Variants in ATL2 observed in about 807,000 individuals in gnomAD.
ATL2 encodes atlastin GTPase 2, also known as atlastin-2.
ATL2 carries 31 observed loss-of-function variants against 73.9 expected under a neutral mutation model. The ratio of observed to expected loss-of-function variants is 0.42; its 90% CI spans 0.32 to 0.57. The LOEUF is 0.57. ATL2 is among the 20% of genes least tolerant of loss of function. ATL2 has a pLI of 0.14. For missense variants in ATL2, 738 were observed against 702.6 expected, an observed-to-expected ratio of 1.05 and a Z score of -0.57; for synonymous variants, 291 against 237.5, an observed-to-expected ratio of 1.23 and a Z score of -2.07.
intron 2 of ATL2, among the ~76,000 whole-genome samples, chr2:38,336,813 T>G (rs532988530): frequency 6.6e-6 from 1 of 152,334 alleles, no homozygotes; most frequent in Admixed American, 6.5e-5. Flanking sequence ...AAATGCTTAG[T>G]AATCAAAATA....
rs1447145862 is a variant in ATL2 at position 38,294,134 on chromosome 2, A to G, written c.*1860T>C. On this transcript the variant is annotated 3_prime_UTR_variant, in exon 13 of 13. Transcript: ENST00000378954. ...TAAGTTAGCAATTTAATACAGATGA[A>G]AACAAATACAATCCATATAAAAACA... 6.6e-6 allele frequency among the ~76,000 whole-genome samples: 1 copy of G among 152,246 alleles called. No individual in the cohort carries two copies. Among genetic ancestry groups the G allele is most frequent in the Non-Finnish European group, 1.5e-5 (1 of 68,028 alleles).
chr2:38,347,929 G>C (rs918978093), intron 1 of ATL2, among the ~76,000 whole-genome samples: 2 of 151,634 alleles, frequency 1.3e-5, no homozygotes, highest in African/African-American at 4.8e-5. Context: ...GCCTCGCCAA[G>C]CTAATTTTTG....
chr2:38,316,417 T>C (rs1668027530), intron 4 of ATL2, among the ~76,000 whole-genome samples: 1 of 152,178 alleles, frequency 6.6e-6, no homozygotes, highest in Non-Finnish European at 1.5e-5. Flanking sequence ...GAGAAAGAGA[T>C]TTATTTAACT....
intron 2 of ATL2, among the ~76,000 whole-genome samples, chr2:38,330,602 T>C (rs751008997): frequency 6.6e-6 from 1 of 152,226 alleles, no homozygotes; most frequent in African/African-American, 2.4e-5. Context: ...ATATGAACTA[T>C]ACACTTGCAT....
rs1669850348 is a variant in ATL2, at chr2:38,343,521, T to G, written c.119-9A>C. On this transcript the variant is annotated splice_polypyrimidine_tract_variant and intron_variant, in intron 1 of 12. Coordinates refer to ENST00000378954, the MANE Select transcript of ATL2 (RefSeq NM_001135673.4). Reference sequence around the variant, plus strand: ...ATCTTCATAATTCTCACCTAGAATTTAAAAAGAAAGAAACTGGTTACTTTA... The same window carrying G: ...ATCTTCATAATTCTCACCTAGAATTGAAAAAGAAAGAAACTGGTTACTTTA... The G allele has an allele frequency of 6.3e-7, 1 of 1,598,984 alleles. No individual in the cohort carries two copies. The highest frequency in any genetic ancestry group is 8.5e-7 in the Non-Finnish European group (1 of 1,173,516).
chr2:38,305,971 T>A (rs1667428742), intron 9 of ATL2, among the ~76,000 whole-genome samples: 1 of 151,992 alleles, frequency 6.6e-6, no homozygotes, highest in African/African-American at 2.4e-5. Flanking sequence ...GTTGATTTTT[T>A]AAAAAGATAA....
At chr2:38,300,921 A>G (rs1484365854) in intron 9 of ATL2, among the ~76,000 whole-genome samples, 2 of 151,588 alleles carry the variant, frequency 1.3e-5, no homozygotes, top group Non-Finnish European at 2.9e-5. Context: ...AAGAGTAAGA[A>G]GGAAAAGATA....
chr2:38,297,409 C>T (rs1302042843), intron 12 of ATL2, among the ~76,000 whole-genome samples: 6 of 152,092 alleles, frequency 3.9e-5, no homozygotes, highest in Non-Finnish European at 7.4e-5. Flanking sequence ...AAGTATTTCA[C>T]GAAGATCATC....
At chr2:38,331,420 G>T (rs903917455) in intron 2 of ATL2, among the ~76,000 whole-genome samples, 1 of 133,430 alleles carries the variant, frequency 7.5e-6, no homozygotes, top group African/African-American at 2.9e-5. Context: ...TAGCAACAGA[G>T]TGAGACTCTG....
intron 2 of ATL2, among the ~76,000 whole-genome samples, chr2:38,339,405 C>T (rs1289594741): frequency 6.6e-6 from 1 of 151,998 alleles, no homozygotes; most frequent in Non-Finnish European, 1.5e-5. Context: ...AGTAATGTAC[C>T]AATCAATATT....
At chr2:38,323,656 C>A (rs190035697) in intron 2 of ATL2, among the ~76,000 whole-genome samples, 6 of 152,228 alleles carry the variant, frequency 3.9e-5, no homozygotes, top group African/African-American at 1.2e-4. Flanking sequence ...TACTCCCTAG[C>A]AACAAAGTGA....
intron 1 of ATL2, among the ~76,000 whole-genome samples, chr2:38,368,174 T>C (rs1671456047): frequency 6.6e-6 from 1 of 151,120 alleles, no homozygotes; most frequent in South Asian, 2.1e-4. Flanking sequence ...GACCTCATGA[T>C]CCACCCACCT....
chr2:38,374,263 G>A (rs758605722), intron 1 of ATL2, among the ~76,000 whole-genome samples: 5 of 152,128 alleles, frequency 3.3e-5, no homozygotes, highest in African/African-American at 9.7e-5. Flanking sequence ...GAGGACTAAC[G>A]GATAGGAAGA....
At chr2:38,363,791 T>C (rs1573581601) in intron 1 of ATL2, among the ~76,000 whole-genome samples, 1 of 152,186 alleles carries the variant, frequency 6.6e-6, no homozygotes, top group Admixed American at 6.5e-5. Flanking sequence ...ATAATAACAG[T>C]CTTTACTCTT....
At chr2:38,364,254 T>TC (rs1446167264) in intron 1 of ATL2, among the ~76,000 whole-genome samples, 2 of 151,586 alleles carry the variant, frequency 1.3e-5, no homozygotes, top group Admixed American at 1.3e-4. Context: ...AGAGTGAGAC[T>TC]CCATCTCAAA....
intron 2 of ATL2, among the ~76,000 whole-genome samples, chr2:38,334,862 T>TTGA (rs1669215490): frequency 2.2e-5 from 1 of 44,500 alleles, no homozygotes; most frequent in Non-Finnish European, 7.2e-5. Context: ...AATATTTATA[T>TTGA]ATTATATAAT....
chr2:38,367,976 C>G (rs993647067), intron 1 of ATL2, among the ~76,000 whole-genome samples: 1 of 151,448 alleles, frequency 6.6e-6, no homozygotes, highest in African/African-American at 2.4e-5. Flanking sequence ...GCTCTCTCTC[C>G]CAGTCTGGAG....
At chr2:38,358,615 C>G (rs1020807051) in intron 1 of ATL2, 2 of 255,068 alleles carry the variant, frequency 7.8e-6, no homozygotes, top group Non-Finnish European at 1.7e-5. Flanking sequence ...TGGCGTGGAC[C>G]CAAGAGGCGG....
chr2:38,306,045 G>C (rs1667431316), intron 9 of ATL2, among the ~76,000 whole-genome samples: 2 of 152,046 alleles, frequency 1.3e-5, no homozygotes, highest in African/African-American at 4.8e-5. Context: ...AATAAAATCA[G>C]AGATGAAAAA....
Sources: allele counts gnomAD v4.1 joint callset (sites outside exome capture counted in the v4.1 genomes callset), GRCh38; gene constraint gnomAD v4.1.1; transcripts MANE v1.5; gene names NCBI Gene and HGNC (gene_info 2026-07-23, HGNC 2026-07-21).